The following ADAMTS17 variants were observed in gnomAD, a reference collection of about 807,000 sequenced individuals.
The protein encoded by ADAMTS17 is A disintegrin and metalloproteinase with thrombospondin motifs 17.
Under a neutral mutation model 141.5 loss-of-function variants are expected in ADAMTS17, and 113 were observed. The ratio of observed to expected loss-of-function variants is 0.80; its 90% CI spans 0.69 to 0.93. The LOEUF (loss-of-function observed/expected upper bound fraction) is 0.93. Ranked by LOEUF, ADAMTS17 falls within the 40% of genes least tolerant of loss-of-function variation. ADAMTS17 has a pLI of 0.00. For missense variants in ADAMTS17, 1,659 were observed against 1,517.9 expected, an observed-to-expected ratio of 1.09 and a Z score of -1.54; for synonymous variants, 768 against 630.6, an observed-to-expected ratio of 1.22 and a Z score of -3.27.
chr15:100,214,631 T>C (rs565943584), intron 7 of ADAMTS17, among the ~76,000 whole-genome samples: 6 of 152,334 alleles, frequency 3.9e-5, no homozygotes, highest in African/African-American at 1.4e-4. Flanking sequence ...CGCACTTTTA[T>C]TGGCCACTTC....
At chr15:100,070,494 A>G (rs1263813558) in intron 15 of ADAMTS17, among the ~76,000 whole-genome samples, 6 of 150,220 alleles carry the variant, frequency 4.0e-5, no homozygotes, top group South Asian at 2.1e-4. Context: ...AGTTGGAAGT[A>G]AAGTACTCCT....
At chr15:100,106,703 G>T (rs2036432985) in intron 14 of ADAMTS17, among the ~76,000 whole-genome samples, 1 of 152,230 alleles carries the variant, frequency 6.6e-6, no homozygotes. Context: ...TCTAAAGGGT[G>T]TAAGAACTCT....
chr15:100,318,724 GA>G (rs1160374343), intron 3 of ADAMTS17, among the ~76,000 whole-genome samples: 1 of 152,220 alleles, frequency 6.6e-6, no homozygotes, highest in Admixed American at 6.5e-5. Context: ...GAAAGGTGAA[GA>G]AATCTCACGC....
At chr15:100,107,311 G>A (rs1012716688) in intron 14 of ADAMTS17, among the ~76,000 whole-genome samples, 2 of 152,100 alleles carry the variant, frequency 1.3e-5, no homozygotes, top group East Asian at 1.9e-4. Context: ...TGGACCTGAC[G>A]CCTGGAAGCC....
intron 20 of ADAMTS17, among the ~76,000 whole-genome samples, chr15:99,981,551 C>T (rs2060482268): frequency 6.6e-6 from 1 of 152,222 alleles, no homozygotes; most frequent in Non-Finnish European, 1.5e-5. Flanking sequence ...GTTTGCTTAA[C>T]TGCCTGGAGC....
intron 2 of ADAMTS17, chr15:100,339,087 A>T: frequency 1.0e-6 from 1 of 985,534 alleles, no homozygotes; most frequent in Admixed American, 6.1e-5. Flanking sequence ...GCAGGAATTT[A>T]AAAGCTGAAG....
chr15:100,189,970 C>A (rs960445378), intron 8 of ADAMTS17, among the ~76,000 whole-genome samples: 2 of 152,188 alleles, frequency 1.3e-5, no homozygotes, highest in African/African-American at 2.4e-5. Context: ...GACTCTTCCC[C>A]AGCTCAGTTC....
At chr15:100,086,173 C>T (rs1274258907) in intron 15 of ADAMTS17, among the ~76,000 whole-genome samples, 3 of 151,956 alleles carry the variant, frequency 2.0e-5, no homozygotes, top group Non-Finnish European at 4.4e-5. Flanking sequence ...AGATGGAAAA[C>T]AGAAAAAGGC....
intron 20 of ADAMTS17, among the ~76,000 whole-genome samples, chr15:99,989,812 G>A (rs1199838967): frequency 1.3e-5 from 2 of 152,224 alleles, no homozygotes; most frequent in South Asian, 2.1e-4. Context: ...CCAGAACCGT[G>A]TGAACATTGG....
chr15:100,025,610 C>T (rs1178353294), intron 18 of ADAMTS17, among the ~76,000 whole-genome samples: 2 of 152,016 alleles, frequency 1.3e-5, no homozygotes, highest in Non-Finnish European at 2.9e-5. Context: ...GACAGGGTTT[C>T]ACCACATTGG....
intron 8 of ADAMTS17, among the ~76,000 whole-genome samples, chr15:100,160,608 T>C (rs2039645605): frequency 6.6e-6 from 1 of 152,246 alleles, no homozygotes; most frequent in Non-Finnish European, 1.5e-5. Context: ...AAAAGATGGC[T>C]GTGCTGTTGG....
At chr15:100,109,407 G>A (rs528982558) in intron 13 of ADAMTS17, among the ~76,000 whole-genome samples, 1 of 151,972 alleles carries the variant, frequency 6.6e-6, no homozygotes, top group Admixed American at 6.6e-5. Flanking sequence ...GGTGAACAAA[G>A]GAAGAGTTGT....
At chr15:100,154,082 G>A (rs1433356555) in intron 9 of ADAMTS17, among the ~76,000 whole-genome samples, 2 of 152,190 alleles carry the variant, frequency 1.3e-5, no homozygotes, top group Non-Finnish European at 2.9e-5. Context: ...TGGGGAGGCT[G>A]AGGCAGGAGA....
At chr15:100,246,135 G>A (rs573719918) in intron 7 of ADAMTS17, among the ~76,000 whole-genome samples, 15 of 152,130 alleles carry the variant, frequency 9.9e-5, no homozygotes, top group East Asian at 9.7e-4. Context: ...TTGGCATTCC[G>A]GAGGAAATAC....
intron 8 of ADAMTS17, among the ~76,000 whole-genome samples, chr15:100,156,892 G>A (rs1054209412): frequency 6.6e-6 from 1 of 152,208 alleles, no homozygotes; most frequent in Non-Finnish European, 1.5e-5. Context: ...TTTGTGTGAG[G>A]AAAGTGTATT....
At chr15:100,095,359 G>A (rs1328308439) in intron 15 of ADAMTS17, among the ~76,000 whole-genome samples, 3 of 152,140 alleles carry the variant, frequency 2.0e-5, no homozygotes, top group Non-Finnish European at 4.4e-5. Context: ...TTTCCCGCAG[G>A]CATCTAGAAG....
chr15:100,036,466 C>G (rs955862862), intron 18 of ADAMTS17, among the ~76,000 whole-genome samples: 9 of 152,228 alleles, frequency 5.9e-5, no homozygotes, highest in Non-Finnish European at 1.2e-4. Context: ...TCCCCACTGC[C>G]CCAAGTCCCG....
At chr15:100,079,562 A>G (rs986090754) in intron 15 of ADAMTS17, among the ~76,000 whole-genome samples, 1 of 152,164 alleles carries the variant, frequency 6.6e-6, no homozygotes, top group Admixed American at 6.5e-5. Context: ...AATGACTGCT[A>G]CCAAGCATGG....
intron 15 of ADAMTS17, among the ~76,000 whole-genome samples, chr15:100,086,556 C>T (rs1000416964): frequency 3.9e-5 from 6 of 152,162 alleles, no homozygotes; most frequent in African/African-American, 1.2e-4. Flanking sequence ...CTTCTCAGCA[C>T]CACACCACAC....
Sources: gnomAD v4.1 joint callset for allele counts (sites outside exome capture counted in the v4.1 genomes callset) on GRCh38, gnomAD v4.1.1 for gene constraint, MANE v1.5 for transcripts, NCBI Gene and HGNC (gene_info 2026-07-23, HGNC 2026-07-21) for gene names.